Variants in IL1RAPL2 observed in about 807,000 individuals in gnomAD.
The protein encoded by IL1RAPL2 is interleukin 1 receptor accessory protein like 2.
A neutral mutation model predicts 44.1 loss-of-function variants in IL1RAPL2; 3 were observed. That is an observed-to-expected ratio of 0.07 (90% CI 0.03 to 0.18). The LOEUF is 0.18. IL1RAPL2 is among the 10% of genes least tolerant of loss of function. The pLI is 1.00. For missense variants in IL1RAPL2, 391 were observed against 496.4 expected (o/e 0.79, Z 2.02); for synonymous variants, 181 against 178.8 (o/e 1.01, Z -0.10).
chrX:105,473,639 G>T (rs2036179014), intron 5 of IL1RAPL2, among the ~76,000 whole-genome samples: 2 of 111,494 alleles, frequency 1.8e-5, no homozygotes, highest in Admixed American at 1.9e-4. Flanking sequence ...TTATTCTTTT[G>T]TATTGCAAAA....
chrX:104,900,803 T>C (rs1321354018), intron 2 of IL1RAPL2, among the ~76,000 whole-genome samples: 1 of 111,901 alleles, frequency 8.9e-6, no homozygotes, highest in Non-Finnish European at 1.9e-5. Flanking sequence ...CCAGCATCAG[T>C]GGAGCAAGGA....
At chrX:104,894,660 C>T in intron 2 of IL1RAPL2, among the ~76,000 whole-genome samples, 1 of 111,913 alleles carries the variant, frequency 8.9e-6, no homozygotes, top group Non-Finnish European at 1.9e-5. Flanking sequence ...GACTTCTCTA[C>T]ATTGGTTATT....
chrX:105,504,070 T>C (rs1280092122), intron 6 of IL1RAPL2, among the ~76,000 whole-genome samples: 1 of 111,959 alleles, frequency 8.9e-6, no homozygotes, highest in Non-Finnish European at 1.9e-5. Context: ...CCATACCTAC[T>C]TACATCAAGA....
At chrX:104,624,425 A>G (rs772613790) in intron 1 of IL1RAPL2, among the ~76,000 whole-genome samples, 29 of 111,859 alleles carry the variant, frequency 2.6e-4, no homozygotes, top group African/African-American at 9.1e-4. Flanking sequence ...CTACAGAAAA[A>G]AGGAAATACA....
chrX:105,351,763 A>G (rs1821655886), intron 5 of IL1RAPL2, among the ~76,000 whole-genome samples: 2 of 111,154 alleles, frequency 1.8e-5, no homozygotes, highest in African/African-American at 6.5e-5. Flanking sequence ...CTTGTACCCC[A>G]GAACTTAAAG....
chrX:105,761,781 A>C (rs751087327), intron 10 of IL1RAPL2, among the ~76,000 whole-genome samples: 2 of 112,209 alleles, frequency 1.8e-5, no homozygotes, highest in East Asian at 5.6e-4. Context: ...GAAAGTAATA[A>C]ATTATGCTTT....
intron 2 of IL1RAPL2, among the ~76,000 whole-genome samples, chrX:104,724,381 G>T (rs1041373763): frequency 1.8e-5 from 2 of 111,235 alleles, no homozygotes; most frequent in African/African-American, 6.5e-5. Flanking sequence ...GAGTTAATGG[G>T]TGCAGCACAC....
At position 104,826,715 on chromosome X, in the gene IL1RAPL2, A is replaced by G. The variant is rs1442308134; in HGVS notation, c.82+167720A>G. ...GTCTAATATTGACAGTGGGGTGTTA[A>G]ATTCTCCCACTATTATTGTGTGGGA... is the stretch of plus-strand genomic sequence containing the variant. On this transcript the variant is annotated intron_variant, in intron 2 of 10. Coordinates refer to ENST00000372582, the MANE Select transcript of IL1RAPL2 (RefSeq NM_017416.2). Among the ~76,000 whole-genome samples the G allele has an allele frequency of 2.7e-5, 3 of 110,250 alleles. No individual in the cohort carries two copies. The South Asian group carries it at 1.2e-3, about 43-fold the overall frequency.
intron 5 of IL1RAPL2, among the ~76,000 whole-genome samples, chrX:105,479,442 G>T (rs2036218734): frequency 9.0e-6 from 1 of 110,922 alleles, no homozygotes; most frequent in South Asian, 3.8e-4. Context: ...AGATAGGTGG[G>T]TAAAAAGGCA....
intron 2 of IL1RAPL2, among the ~76,000 whole-genome samples, chrX:104,712,438 A>G (rs1931477756): frequency 9.0e-6 from 1 of 110,613 alleles, no homozygotes. Flanking sequence ...CAGATGATTC[A>G]TTTCTGCTGC....
At chrX:104,721,514 C>T (rs929510973) in intron 2 of IL1RAPL2, among the ~76,000 whole-genome samples, 3 of 110,346 alleles carry the variant, frequency 2.7e-5, no homozygotes, top group African/African-American at 9.9e-5. Context: ...GAACAACACA[C>T]ATTGGGGCCT....
intron 1 of IL1RAPL2, among the ~76,000 whole-genome samples, chrX:104,651,780 G>A (rs1278037166): frequency 2.7e-5 from 3 of 111,496 alleles, no homozygotes; most frequent in Admixed American, 9.6e-5. Context: ...GAATGGGCAC[G>A]TTGTTCAAGA....
At chrX:104,734,401 G>T in intron 2 of IL1RAPL2, among the ~76,000 whole-genome samples, 1 of 112,567 alleles carries the variant, frequency 8.9e-6, no homozygotes. Flanking sequence ...ACTCAAATTT[G>T]CATCAACAGA....
intron 1 of IL1RAPL2, among the ~76,000 whole-genome samples, chrX:104,655,391 A>G (rs1015164760): frequency 1.8e-5 from 2 of 111,632 alleles, no homozygotes; most frequent in Non-Finnish European, 3.8e-5. Context: ...AGGGGTGTTC[A>G]ATTTTGTTGA....
At chrX:105,607,022 T>C (rs757771521) in intron 6 of IL1RAPL2, among the ~76,000 whole-genome samples, 1 of 111,320 alleles carries the variant, frequency 9.0e-6, no homozygotes, top group Non-Finnish European at 1.9e-5. Context: ...TATTTTGAAA[T>C]AGCTAGAAAA....
At chrX:104,651,716 C>T (rs1215457233) in intron 1 of IL1RAPL2, among the ~76,000 whole-genome samples, 1 of 111,141 alleles carries the variant, frequency 9.0e-6, no homozygotes, top group Non-Finnish European at 1.9e-5. Context: ...ATGTTCTTAA[C>T]AAAGTCACTG....
At chrX:105,733,605 C>T (rs182850206) in intron 7 of IL1RAPL2, among the ~76,000 whole-genome samples, 1 of 111,167 alleles carries the variant, frequency 9.0e-6, no homozygotes, top group Admixed American at 9.6e-5. Flanking sequence ...GACATATCTT[C>T]AAATGCATTG....
At chrX:105,426,271 T>C (rs145739562) in intron 5 of IL1RAPL2, among the ~76,000 whole-genome samples, 118 of 110,813 alleles carry the variant, frequency 1.1e-3, no homozygotes, top group African/African-American at 3.6e-3. Flanking sequence ...TACTATGTCA[T>C]CTGACCCCTG....
At chrX:105,718,132 G>A (rs899308245) in intron 7 of IL1RAPL2, among the ~76,000 whole-genome samples, 8 of 111,318 alleles carry the variant, frequency 7.2e-5, no homozygotes, top group Non-Finnish European at 1.5e-4. Flanking sequence ...AACCTTTCTC[G>A]CCTCACTCAG....
Sources: gnomAD v4.1 joint callset for allele counts (sites outside exome capture counted in the v4.1 genomes callset) on GRCh38, gnomAD v4.1.1 for gene constraint, MANE v1.5 for transcripts, NCBI Gene and HGNC (gene_info 2026-07-23, HGNC 2026-07-21) for gene names.